The following TMEM132D variants were observed in gnomAD, a reference collection of about 807,000 sequenced individuals.
The protein encoded by TMEM132D is mature OL transmembrane protein.
In TMEM132D, 21 loss-of-function variants were observed where a neutral mutation model predicts 62.3. The ratio of observed to expected loss-of-function variants is 0.34; its 90% CI spans 0.24 to 0.49. TMEM132D has a LOEUF of 0.49. TMEM132D is among the 20% of genes least tolerant of loss of function. The probability of loss-of-function intolerance (pLI) is 0.99; values close to 1 mark genes in which losing one functional copy is unlikely to be tolerated. For missense variants in TMEM132D, 1,346 were observed against 1,402.8 expected, an observed-to-expected ratio of 0.96 and a Z score of 0.65; for synonymous variants, 621 against 575.6, an observed-to-expected ratio of 1.08 and a Z score of -1.13.
intron 1 of TMEM132D, among the ~76,000 whole-genome samples, chr12:129,887,687 A>G (rs1343747792): frequency 6.6e-6 from 1 of 152,196 alleles, no homozygotes; most frequent in Non-Finnish European, 1.5e-5. Context: ...ACTTTAAGAT[A>G]GTAAAAAAAT....
chr12:129,171,586 C>G (rs1877730656), intron 5 of TMEM132D, among the ~76,000 whole-genome samples: 2 of 152,226 alleles, frequency 1.3e-5, no homozygotes, highest in Non-Finnish European at 2.9e-5. Context: ...TAAGTAGTAA[C>G]ACTTGGAAGT....
At chr12:129,501,633 T>C (rs1275936352) in intron 3 of TMEM132D, among the ~76,000 whole-genome samples, 1 of 152,098 alleles carries the variant, frequency 6.6e-6, no homozygotes, top group African/African-American at 2.4e-5. Flanking sequence ...GCCTTCTAAA[T>C]AGCTGGGCCT....
At chr12:129,386,881 C>G (rs1788775385) in intron 3 of TMEM132D, among the ~76,000 whole-genome samples, 2 of 149,690 alleles carry the variant, frequency 1.3e-5, no homozygotes, top group Admixed American at 6.7e-5. Flanking sequence ...TATCACTAAT[C>G]ATAATACAAA....
chr12:129,090,383 A>G (rs1048037724), intron 5 of TMEM132D, among the ~76,000 whole-genome samples: 1 of 152,156 alleles, frequency 6.6e-6, no homozygotes, highest in African/African-American at 2.4e-5. Context: ...AAAGAAAGAA[A>G]GGGGCTGGGC....
intron 4 of TMEM132D, among the ~76,000 whole-genome samples, chr12:129,284,594 TCAAA>T (rs889568282): frequency 2.9e-4 from 44 of 152,308 alleles, no homozygotes; most frequent in African/African-American, 9.6e-4. Flanking sequence ...AAACAGGTGT[TCAAA>T]CAAACACATG....
chr12:129,076,797 C>T (rs1874271725), intron 8 of TMEM132D, among the ~76,000 whole-genome samples: 1 of 152,214 alleles, frequency 6.6e-6, no homozygotes, highest in Non-Finnish European at 1.5e-5. Context: ...GTGTTTAGCT[C>T]TGCATGTCAG....
At position 129,561,333 on chromosome 12, in the gene TMEM132D, T is replaced by A. The variant is rs569953996; in HGVS notation, c.969-30128A>T. On this transcript the variant is annotated intron_variant, in intron 2 of 8. Transcript: ENST00000422113. ...CTTGCATGGGAGCCTAGGTTTTGAA[T>A]CCTCCCTGACAGCAAGCACTGCTTT... Among the ~76,000 whole-genome samples, 22 of 152,306 alleles carry A rather than the reference T, an allele frequency of 1.4e-4. No individual in the cohort carries two copies. The South Asian group carries it at 1.5e-3, about 10-fold the overall frequency.
chr12:129,850,161 C>A (rs910995443), intron 1 of TMEM132D, among the ~76,000 whole-genome samples: 1 of 152,084 alleles, frequency 6.6e-6, no homozygotes. Flanking sequence ...AGTGGTGGAT[C>A]TCTCTCTCTC....
chr12:129,421,926 GGT>G (rs1429275644), intron 3 of TMEM132D, among the ~76,000 whole-genome samples: 1 of 152,096 alleles, frequency 6.6e-6, no homozygotes, highest in Admixed American at 6.5e-5. Context: ...CAAATGCACA[GGT>G]GTGTGTCTAC....
intron 5 of TMEM132D, among the ~76,000 whole-genome samples, chr12:129,127,673 G>A (rs910555119): frequency 2.9e-4 from 44 of 152,130 alleles, no homozygotes; most frequent in Middle Eastern, 3.4e-3. Context: ...CTTCTACACC[G>A]AGAAAGAAGG....
chr12:129,508,207 T>C (rs891008091), intron 3 of TMEM132D, among the ~76,000 whole-genome samples: 16 of 152,192 alleles, frequency 1.1e-4, no homozygotes, highest in African/African-American at 2.4e-4. Context: ...GTTTAACTTA[T>C]ATTATAAAAT....
chr12:129,396,893 A>G (rs1871446889), intron 3 of TMEM132D, among the ~76,000 whole-genome samples: 3 of 152,182 alleles, frequency 2.0e-5, no homozygotes, highest in South Asian at 2.1e-4. Context: ...TATGTTTGCT[A>G]TGTCTTTAGG....
intron 1 of TMEM132D, among the ~76,000 whole-genome samples, chr12:129,821,985 T>C (rs1216190544): frequency 2.0e-5 from 3 of 152,304 alleles, no homozygotes; most frequent in African/African-American, 7.2e-5. Context: ...TGCTAGGTGC[T>C]GAGGATATAA....
chr12:129,166,714 T>C (rs11060172), intron 5 of TMEM132D, among the ~76,000 whole-genome samples: 33,109 of 85,162 alleles, frequency 0.39, 4,349 homozygotes, highest in Non-Finnish European at 0.47. Flanking sequence ...CACACACACA[T>C]ATACACACAC....
chr12:129,215,850 G>A (rs528978601), intron 4 of TMEM132D, among the ~76,000 whole-genome samples: 2 of 152,290 alleles, frequency 1.3e-5, no homozygotes, highest in African/African-American at 4.8e-5. Flanking sequence ...CATGGCGTGG[G>A]GCAAAGAGAG....
intron 2 of TMEM132D, among the ~76,000 whole-genome samples, chr12:129,609,367 T>TA (rs766460275): frequency 1.3e-5 from 2 of 152,110 alleles, no homozygotes; most frequent in Non-Finnish European, 2.9e-5. Flanking sequence ...CTACCCTTCT[T>TA]AGAGTAGGAC....
At chr12:129,809,782 T>A (rs892192990) in intron 1 of TMEM132D, among the ~76,000 whole-genome samples, 1 of 152,054 alleles carries the variant, frequency 6.6e-6, no homozygotes, top group Non-Finnish European at 1.5e-5. Flanking sequence ...AAAATATACA[T>A]GATGAAAAGT....
At chr12:129,717,026 G>A (rs1868605010) in intron 1 of TMEM132D, among the ~76,000 whole-genome samples, 1 of 152,178 alleles carries the variant, frequency 6.6e-6, no homozygotes, top group Admixed American at 6.5e-5. Flanking sequence ...ATGTTGATTA[G>A]AAATAAGTGT....
At chr12:129,343,507 A>C (rs11060266) in intron 3 of TMEM132D, among the ~76,000 whole-genome samples, 36,737 of 152,008 alleles carry the variant, frequency 0.24, 4,997 homozygotes, top group East Asian at 0.58. Flanking sequence ...GCACACCAAC[A>C]TGTCACATGT....
Sources: gnomAD v4.1 joint callset for allele counts (sites outside exome capture counted in the v4.1 genomes callset) on GRCh38, gnomAD v4.1.1 for gene constraint, MANE v1.5 for transcripts, NCBI Gene and HGNC (gene_info 2026-07-23, HGNC 2026-07-21) for gene names.